FMNL2: variants seen among roughly 807,000 people sequenced by gnomAD.
FMNL2 encodes the protein formin like 2, also known as formin-like protein 2.
A neutral mutation model predicts 130.2 loss-of-function variants in FMNL2; 51 were observed. The observed-to-expected ratio is 0.39, with a 90% CI of 0.31 to 0.49. The LOEUF (loss-of-function observed/expected upper bound fraction) is 0.49. Ranked by LOEUF, FMNL2 falls within the 20% of genes least tolerant of loss-of-function variation. The pLI is 0.85. For synonymous variants in FMNL2, 465 were observed against 467.1 expected (o/e 1.00, Z 0.06); for missense variants, 977 against 1,316.2 (o/e 0.74, Z 3.99).
intron 2 of FMNL2, among the ~76,000 whole-genome samples, chr2:152,534,790 A>G (rs1252375075): frequency 6.6e-6 from 1 of 152,192 alleles, no homozygotes; most frequent in African/African-American, 2.4e-5. Context: ...GGAAAGACTC[A>G]TTGAACTAGA....
At chr2:152,642,156 G>A (rs1387928595) in intron 25 of FMNL2, among the ~76,000 whole-genome samples, 2 of 152,110 alleles carry the variant, frequency 1.3e-5, no homozygotes, top group Non-Finnish European at 2.9e-5. Context: ...TAGCCAGGAT[G>A]GTCTCGATCT....
At chr2:152,367,612 A>G (rs1189090056) in intron 1 of FMNL2, among the ~76,000 whole-genome samples, 1 of 152,166 alleles carries the variant, frequency 6.6e-6, no homozygotes, top group African/African-American at 2.4e-5. Flanking sequence ...GAAAATAGTC[A>G]GTCTTAGGTG....
chr2:152,575,889 C>G (rs1696449644), intron 7 of FMNL2, among the ~76,000 whole-genome samples: 1 of 152,078 alleles, frequency 6.6e-6, no homozygotes, highest in South Asian at 2.1e-4. Flanking sequence ...GCAGATTCCT[C>G]CTTTGGGTAA....
chr2:152,588,242 C>T lies in FMNL2; in HGVS notation c.876+7193C>T, dbSNP rs28697183. On this transcript the variant is annotated intron_variant, in intron 9 of 25. Coordinates refer to ENST00000288670, the MANE Select transcript of FMNL2 (RefSeq NM_052905.4). ...TGGCCTTGTCAGCTTCCAGAGGCCA[C>T]TTAGATTCTTTGGCTTCCAGCCCCT... is the stretch of plus-strand genomic sequence containing the variant. 4.4e-3 allele frequency among the ~76,000 whole-genome samples: 676 copies of T among 152,350 alleles called. 4 individuals carry two copies. The highest frequency in any genetic ancestry group is 0.015 in the African/African-American group (603 of 41,570).
intron 1 of FMNL2, among the ~76,000 whole-genome samples, chr2:152,398,884 A>G (rs749966662): frequency 1.3e-5 from 2 of 152,210 alleles, no homozygotes; most frequent in Non-Finnish European, 2.9e-5. Context: ...AAGAGAAGGC[A>G]ATTGTATTTG....
At chr2:152,555,032 G>A (rs1156246235) in intron 4 of FMNL2, among the ~76,000 whole-genome samples, 2 of 152,164 alleles carry the variant, frequency 1.3e-5, no homozygotes, top group African/African-American at 2.4e-5. Context: ...GCGTTCTTAA[G>A]TGAAGCTGGC....
chr2:152,428,649 C>T lies in FMNL2; in HGVS notation c.117+92929C>T, dbSNP rs571046505. The stretch of plus-strand genomic sequence containing the variant: ...TACCATTTTATTCTTTTTGTAAAGA[C>T]CCCTATAGAATATCTAGGGAGGTTG... On this transcript the variant is annotated intron_variant, in intron 1 of 25. Transcript: ENST00000288670. Among the ~76,000 whole-genome samples, 3 of 152,208 alleles carry T rather than the reference C, an allele frequency of 2.0e-5. No homozygotes were observed. In the South Asian group the frequency reaches 6.2e-4, roughly 32 times the overall value.
chr2:152,393,452 T>C (rs1685227127), intron 1 of FMNL2, among the ~76,000 whole-genome samples: 1 of 152,230 alleles, frequency 6.6e-6, no homozygotes, highest in Non-Finnish European at 1.5e-5. Flanking sequence ...GGACATTTTC[T>C]AAGACTTGTT....
intron 25 of FMNL2, chr2:152,643,613 C>A: frequency 6.6e-7 from 1 of 1,506,072 alleles, no homozygotes; most frequent in South Asian, 1.2e-5. Flanking sequence ...AACATGCTAG[C>A]ATGGAATTGC....
intron 4 of FMNL2, among the ~76,000 whole-genome samples, chr2:152,551,569 C>T (rs190112046): frequency 6.6e-6 from 1 of 152,322 alleles, no homozygotes; most frequent in Admixed American, 6.5e-5. Context: ...GTTATGTAAA[C>T]TAACTGGCTT....
At chr2:152,487,711 A>G (rs1690908243) in intron 1 of FMNL2, among the ~76,000 whole-genome samples, 1 of 152,152 alleles carries the variant, frequency 6.6e-6, no homozygotes, top group African/African-American at 2.4e-5. Context: ...GTCTAGGTTT[A>G]TAGGGAATGC....
intron 1 of FMNL2, among the ~76,000 whole-genome samples, chr2:152,471,163 AAAAG>A (rs1689838901): frequency 6.6e-6 from 1 of 152,132 alleles, no homozygotes; most frequent in Non-Finnish European, 1.5e-5. Flanking sequence ...GAAAAAAAAA[AAAAG>A]CAGAAAAGTC....
At chr2:152,492,769 G>A (rs6434061) in intron 1 of FMNL2, among the ~76,000 whole-genome samples, 61,073 of 151,976 alleles carry the variant, frequency 0.4, 12,866 homozygotes, top group East Asian at 0.67. Context: ...AAGCAGATCG[G>A]TTATCGTTCC....
intron 1 of FMNL2, among the ~76,000 whole-genome samples, chr2:152,374,494 A>G (rs1208859724): frequency 6.6e-6 from 1 of 152,202 alleles, no homozygotes; most frequent in Non-Finnish European, 1.5e-5. Flanking sequence ...TTGGAAGGTG[A>G]TATTGAACCA....
chr2:152,527,250 C>G (rs1693439131), intron 2 of FMNL2, among the ~76,000 whole-genome samples: 1 of 152,136 alleles, frequency 6.6e-6, no homozygotes. Flanking sequence ...AAAATAATGT[C>G]TGGTTGTCCC....
At chr2:152,604,184 A>G (rs1372636797) in intron 9 of FMNL2, among the ~76,000 whole-genome samples, 2 of 150,752 alleles carry the variant, frequency 1.3e-5, no homozygotes, top group African/African-American at 4.8e-5. Context: ...TACCTTCTTT[A>G]ATGGAATATG....
chr2:152,515,025 A>G (rs1241128598), intron 1 of FMNL2, among the ~76,000 whole-genome samples: 2 of 152,160 alleles, frequency 1.3e-5, no homozygotes, highest in African/African-American at 4.8e-5. Context: ...GATTTAGTAT[A>G]AATAACTTAG....
chr2:152,409,360 G>A (rs1445102693), intron 1 of FMNL2, among the ~76,000 whole-genome samples: 6 of 152,190 alleles, frequency 3.9e-5, no homozygotes, highest in African/African-American at 1.2e-4. Context: ...TTTTTGGTGA[G>A]GATATGGAGA....
intron 1 of FMNL2, among the ~76,000 whole-genome samples, chr2:152,451,562 G>T (rs912590539): frequency 3.9e-5 from 6 of 151,978 alleles, no homozygotes; most frequent in African/African-American, 1.5e-4. Context: ...GATTGACATA[G>T]GTACTAATAT....
Sources: allele counts gnomAD v4.1 joint callset (sites outside exome capture counted in the v4.1 genomes callset), GRCh38; gene constraint gnomAD v4.1.1; transcripts MANE v1.5; gene names NCBI Gene and HGNC (gene_info 2026-07-23, HGNC 2026-07-21).